Variants in ASAP2 observed in about 807,000 individuals in gnomAD.
ASAP2 encodes ArfGAP with SH3 domain, ankyrin repeat and PH domain 2, also known as arf-GAP with SH3 domain, ANK repeat and PH domain-containing protein 2.
Under a neutral mutation model 131.4 loss-of-function variants are expected in ASAP2, and 45 were observed. That is an observed-to-expected ratio of 0.34 (90% CI 0.27 to 0.44). The LOEUF is 0.44. Among genes scored for constraint, ASAP2 ranks in the 20% least tolerant of loss-of-function variants. The pLI is 1.00. For synonymous variants in ASAP2, 510 were observed against 503.0 expected (o/e 1.01, Z -0.19); for missense variants, 1,011 against 1,297.0 (o/e 0.78, Z 3.39).
chr2:9,280,361 GC>G (rs1667054152), intron 2 of ASAP2, among the ~76,000 whole-genome samples: 1 of 136,718 alleles, frequency 7.3e-6, no homozygotes. Context: ...CCCCCCCACC[GC>G]CCCCACCAGT....
chr2:9,273,879 G>A (rs900716697), intron 1 of ASAP2, among the ~76,000 whole-genome samples: 2 of 152,208 alleles, frequency 1.3e-5, no homozygotes, highest in Non-Finnish European at 2.9e-5. Flanking sequence ...TAAACTTGTG[G>A]CTAATTTATT....
chr2:9,210,172 A>G (rs574408519), intron 1 of ASAP2, among the ~76,000 whole-genome samples: 13 of 152,334 alleles, frequency 8.5e-5, no homozygotes, highest in Admixed American at 8.5e-4. Context: ...TTCAGAAACC[A>G]TGCTGCTTCC....
At chr2:9,246,919 C>T (rs1343844634) in intron 1 of ASAP2, among the ~76,000 whole-genome samples, 2 of 152,298 alleles carry the variant, frequency 1.3e-5, no homozygotes, top group East Asian at 1.9e-4. Flanking sequence ...TGGCTCACTG[C>T]AGCCTTGACC....
rs1677155254 is a variant in ASAP2 at position 9,405,563 on chromosome 2, T to C, written c.*2236T>C. On this transcript the variant is annotated 3_prime_UTR_variant, in exon 28 of 28. Transcript: ENST00000281419. The stretch of plus-strand genomic sequence containing the variant: ...AACTGTATATATTGTATAACCGAAA[T>C]TGATTATTTTCATTGTCCTTAATGC... 6.6e-6 allele frequency: 1 copy of C among 152,598 alleles called. No individual in the cohort carries two copies. The highest frequency in any genetic ancestry group is 1.5e-5 in the Non-Finnish European group (1 of 68,016). The allele number at this position is 152,598 out of a possible 1,614,324, so 9.5% of individuals were successfully genotyped here.
At chr2:9,328,469 T>C in intron 7 of ASAP2, among the ~76,000 whole-genome samples, 1 of 152,232 alleles carries the variant, frequency 6.6e-6, no homozygotes, top group Non-Finnish European at 1.5e-5. Flanking sequence ...ATTCCGCAAC[T>C]CTCAGATGTT....
At chr2:9,309,484 G>A (rs1304472652) in intron 3 of ASAP2, among the ~76,000 whole-genome samples, 1 of 152,196 alleles carries the variant, frequency 6.6e-6, no homozygotes, top group South Asian at 2.1e-4. Flanking sequence ...AGACTTGGGG[G>A]TAAGGAGCTG....
At chr2:9,305,395 G>T (rs2148434455) in intron 3 of ASAP2, among the ~76,000 whole-genome samples, 1 of 145,888 alleles carries the variant, frequency 6.9e-6, no homozygotes, top group South Asian at 2.2e-4. Context: ...TGGTGGAGGG[G>T]CTGTAATAGT....
chr2:9,356,442 C>T, intron 14 of ASAP2, 97 bp downstream of exon 14: 3 of 1,360,284 alleles, frequency 2.2e-6, no homozygotes, highest in Non-Finnish European at 3.0e-6. Context: ...TCATTTCAAA[C>T]ACGAAATTAA....
chr2:9,374,833 G>C lies in ASAP2; in HGVS notation c.1635G>C (p.Ala545=). The C allele has an allele frequency of 5.0e-6, 8 of 1,614,164 alleles. No homozygotes were observed. Among genetic ancestry groups the C allele is most frequent in the Non-Finnish European group, 6.8e-6 (8 of 1,180,030 alleles). The change falls in exon 17 of 28, where the codon GCG becomes GCC. Residue 545 remains alanine (A), a synonymous_variant. Transcript: ENST00000281419. ...YARKKHADNA[A]KLHSLCEAVK... is the part of the protein sequence containing the mutation. ...GGAAGAAGCACGCGGATAACGCGGCGAAGCTTCACAGTCTTTGCGAGGCCG... is the reference window on the plus strand; with the variant it reads ...GGAAGAAGCACGCGGATAACGCGGCCAAGCTTCACAGTCTTTGCGAGGCCG...
intron 3 of ASAP2, among the ~76,000 whole-genome samples, chr2:9,301,081 ATTC>A (rs942363955): frequency 1.3e-5 from 2 of 152,144 alleles, no homozygotes; most frequent in African/African-American, 4.8e-5. Context: ...TTTGTGCACC[ATTC>A]TTCTTCCTGT....
At chr2:9,379,493 A>T (rs1674664055) in intron 19 of ASAP2, among the ~76,000 whole-genome samples, 1 of 151,896 alleles carries the variant, frequency 6.6e-6, no homozygotes, top group African/African-American at 2.4e-5. Flanking sequence ...CATTTGCACC[A>T]CTGCTTCCTC....
At chr2:9,400,640 G>A (rs1676582579) in intron 25 of ASAP2, 102 bp from the exon 26 acceptor site, 1 of 1,085,378 alleles carries the variant, frequency 9.2e-7, no homozygotes, top group Non-Finnish European at 1.4e-6. Flanking sequence ...CGGAACACCT[G>A]GGGAAACCTG....
intron 2 of ASAP2, among the ~76,000 whole-genome samples, chr2:9,294,890 C>G (rs1668058312): frequency 6.6e-6 from 1 of 152,186 alleles, no homozygotes; most frequent in Non-Finnish European, 1.5e-5. Flanking sequence ...TAAGCAGGAC[C>G]ATGGAGGTTG....
At chr2:9,275,534 G>T (rs1666707070) in intron 1 of ASAP2, among the ~76,000 whole-genome samples, 1 of 152,182 alleles carries the variant, frequency 6.6e-6, no homozygotes, top group Non-Finnish European at 1.5e-5. Flanking sequence ...CCCAGCTTTA[G>T]CCCTGAATGG....
chr2:9,303,709 G>A (rs760366112), intron 3 of ASAP2, among the ~76,000 whole-genome samples: 2 of 152,196 alleles, frequency 1.3e-5, no homozygotes, highest in Non-Finnish European at 2.9e-5. Context: ...TTGTTTGATC[G>A]AGACAATGAA....
At chr2:9,308,176 C>T (rs1669070139) in intron 3 of ASAP2, among the ~76,000 whole-genome samples, 1 of 152,156 alleles carries the variant, frequency 6.6e-6, no homozygotes, top group African/African-American at 2.4e-5. Flanking sequence ...GCTTACGGTT[C>T]CACAGGCTGT....
chr2:9,357,710 C>T (rs1429864328), intron 14 of ASAP2, among the ~76,000 whole-genome samples: 5 of 152,224 alleles, frequency 3.3e-5, no homozygotes, highest in East Asian at 3.9e-4. Flanking sequence ...CTTGTACCTC[C>T]GCAAAGCACA....
At position 9,281,601 on chromosome 2, in the gene ASAP2, A is replaced by G. The variant is rs1352929091; in HGVS notation, c.199+2212A>G. ...GCCTAAAACTCTATAGCATTTTTTC[A>G]TCACCCTCTTTGAAGTTCGTGGAAG... On this transcript the variant is annotated intron_variant, in intron 2 of 27. Transcript: ENST00000281419. The surrounding 1 kb of genome is among the most constrained non-coding windows in gnomAD (Gnocchi z 4.0). Among the ~76,000 whole-genome samples, 2 of 152,102 alleles carry G rather than the reference A, an allele frequency of 1.3e-5. No individual in the cohort carries two copies. The highest frequency in any genetic ancestry group is 2.1e-4 in the South Asian group (1 of 4,824).
chr2:9,380,716 T>G (rs1558386767), intron 19 of ASAP2, 25 bp from the exon 20 acceptor site: 9 of 1,613,692 alleles, frequency 5.6e-6, no homozygotes, highest in Non-Finnish European at 7.6e-6. Context: ...CCTTAACGCC[T>G]CCTTTGCTCG....
Sources: allele counts gnomAD v4.1 joint callset (sites outside exome capture counted in the v4.1 genomes callset), GRCh38; gene constraint gnomAD v4.1.1; non-coding constraint Gnocchi (gnomAD v3.1); transcripts MANE v1.5; gene names NCBI Gene and HGNC (gene_info 2026-07-23, HGNC 2026-07-21).